PTK2: variants seen among roughly 807,000 people sequenced by gnomAD.
PTK2 encodes protein tyrosine kinase 2.
Under a neutral mutation model 150.1 loss-of-function variants are expected in PTK2, and 45 were observed. The ratio of observed to expected loss-of-function variants is 0.30; its 90% CI spans 0.24 to 0.38. The LOEUF is 0.38. Among genes scored for constraint, PTK2 ranks in the 10% least tolerant of loss-of-function variants. The pLI is 1.00. For synonymous variants in PTK2, 432 were observed against 449.2 expected, an observed-to-expected ratio of 0.96 and a Z score of 0.48; for missense variants, 919 against 1,307.3, an observed-to-expected ratio of 0.70 and a Z score of 4.58.
At chr8:140,815,180 T>A (rs1279688578) in intron 10 of PTK2, among the ~76,000 whole-genome samples, 1 of 149,222 alleles carries the variant, frequency 6.7e-6, no homozygotes, top group African/African-American at 2.5e-5. Flanking sequence ...GTAGACTGGA[T>A]AAAGAAAATG....
At chr8:140,737,245 G>A (rs978772646) in intron 21 of PTK2, among the ~76,000 whole-genome samples, 13 of 152,082 alleles carry the variant, frequency 8.5e-5, no homozygotes, top group African/African-American at 2.2e-4. Context: ...TGAAACTATC[G>A]GCATGCGCCA....
chr8:140,834,205 T>C (rs4279650), intron 7 of PTK2, among the ~76,000 whole-genome samples: 2,627 of 152,280 alleles, frequency 0.017, 41 homozygotes, highest in Non-Finnish European at 0.028. Context: ...CTTGGTGCTG[T>C]GGGCCCAAAG....
chr8:140,714,119 C>T (rs2100038237), intron 23 of PTK2, among the ~76,000 whole-genome samples: 1 of 152,158 alleles, frequency 6.6e-6, no homozygotes, highest in Admixed American at 6.5e-5. Context: ...AATTCCTGGG[C>T]TCAAGTGATC....
intron 26 of PTK2, among the ~76,000 whole-genome samples, chr8:140,691,201 G>C (rs1033580119): frequency 1.0e-4 from 13 of 128,054 alleles, no homozygotes; most frequent in South Asian, 2.4e-4. Flanking sequence ...GGTTGGGGGT[G>C]GGGGGTCTCA....
intron 8 of PTK2, among the ~76,000 whole-genome samples, chr8:140,819,379 T>C (rs1008071300): frequency 6.6e-6 from 1 of 152,094 alleles, no homozygotes; most frequent in Admixed American, 6.6e-5. Context: ...AAAAAAACAG[T>C]ATATCTTTCT....
chr8:140,790,955 T>A (rs779709519), intron 13 of PTK2, among the ~76,000 whole-genome samples: 1 of 152,242 alleles, frequency 6.6e-6, no homozygotes, highest in Non-Finnish European at 1.5e-5. Context: ...GCCACAATTA[T>A]GTATGCTGTT....
chr8:140,924,127 C>T (rs1365823647), intron 2 of PTK2, among the ~76,000 whole-genome samples: 6 of 152,294 alleles, frequency 3.9e-5, no homozygotes, highest in African/African-American at 1.4e-4. Flanking sequence ...CACAACCACA[C>T]TGACCTCCTT....
chr8:140,689,538 C>G (rs1564419919), intron 26 of PTK2, among the ~76,000 whole-genome samples: 1 of 152,276 alleles, frequency 6.6e-6, no homozygotes, highest in East Asian at 1.9e-4. Context: ...GATTAGCTAA[C>G]AGTATTGTAT....
intron 22 of PTK2, among the ~76,000 whole-genome samples, chr8:140,725,120 T>TA (rs1412206958): frequency 6.6e-6 from 1 of 152,214 alleles, no homozygotes; most frequent in African/African-American, 2.4e-5. Context: ...TGATATCCAC[T>TA]AAGACTGTAC....
chr8:140,720,429 C>T (rs1236672583), intron 22 of PTK2, among the ~76,000 whole-genome samples: 2 of 151,534 alleles, frequency 1.3e-5, no homozygotes, highest in Non-Finnish European at 2.9e-5. Context: ...AAAAAAAAAC[C>T]GGATGGGAAA....
chr8:140,776,026 G>A (rs1332932856), intron 14 of PTK2, among the ~76,000 whole-genome samples: 1 of 152,152 alleles, frequency 6.6e-6, no homozygotes, highest in African/African-American at 2.4e-5. Flanking sequence ...TTCTCATTGA[G>A]AGAGTCTTGC....
chr8:140,671,450 G>T (rs1459864689), intron 29 of PTK2, among the ~76,000 whole-genome samples: 1 of 152,056 alleles, frequency 6.6e-6, no homozygotes, highest in Non-Finnish European at 1.5e-5. Context: ...TGGTACTCTT[G>T]GTCTCAAGCA....
chr8:140,884,360 T>C (rs943115333), intron 3 of PTK2, among the ~76,000 whole-genome samples: 9 of 152,350 alleles, frequency 5.9e-5, no homozygotes, highest in African/African-American at 1.9e-4. Flanking sequence ...TCTTCCTAGA[T>C]GATACTTTCC....
chr8:140,768,892 G>A (rs980193956), intron 14 of PTK2, among the ~76,000 whole-genome samples: 1 of 151,996 alleles, frequency 6.6e-6, no homozygotes, highest in African/African-American at 2.4e-5. Context: ...AATGAACATA[G>A]GTGAAATCTT....
intron 22 of PTK2, among the ~76,000 whole-genome samples, chr8:140,727,117 T>A (rs1409958305): frequency 6.6e-6 from 1 of 152,106 alleles, no homozygotes; most frequent in African/African-American, 2.4e-5. Context: ...GAGAAAAAGG[T>A]TAAGGCAGAG....
intron 31 of PTK2, chr8:140,660,687 T>C (rs771112199): frequency 6.5e-5 from 29 of 448,332 alleles, no homozygotes; most frequent in Middle Eastern, 3.3e-4. Flanking sequence ...GATCGTGCCA[T>C]TGCACTCCAG....
At chr8:140,844,386 TA>T (rs1262868395) in intron 7 of PTK2, among the ~76,000 whole-genome samples, 2 of 152,212 alleles carry the variant, frequency 1.3e-5, no homozygotes, top group African/African-American at 4.8e-5. Context: ...GGTATTTACA[TA>T]AATTATTTGG....
At chr8:140,747,718 G>A (rs1246868523) in intron 17 of PTK2, among the ~76,000 whole-genome samples, 1 of 90,478 alleles carries the variant, frequency 1.1e-5, no homozygotes, top group East Asian at 4.7e-4. Context: ...GGGAGGAAGG[G>A]AGGAGGGGGA....
chr8:140,849,993 T>C (rs1598560842), intron 5 of PTK2, among the ~76,000 whole-genome samples: 1 of 152,140 alleles, frequency 6.6e-6, no homozygotes, highest in African/African-American at 2.4e-5. Flanking sequence ...TCAACCACAA[T>C]AGATTCATAT....
Sources: allele counts gnomAD v4.1 joint callset (sites outside exome capture counted in the v4.1 genomes callset), GRCh38; gene constraint gnomAD v4.1.1; transcripts MANE v1.5; gene names NCBI Gene and HGNC (gene_info 2026-07-23, HGNC 2026-07-21).